ZNF839: variants seen among roughly 807,000 people sequenced by gnomAD.
ZNF839 encodes zinc finger protein 839, also known as renal carcinoma antigen NY-REN-50.
Under a neutral mutation model 56.4 loss-of-function variants are expected in ZNF839, and 38 were observed. The observed-to-expected ratio is 0.67, with a 90% confidence interval of 0.52 to 0.88. ZNF839 has a LOEUF of 0.88. Ranked by LOEUF, ZNF839 falls within the 40% of genes least tolerant of loss-of-function variation. The pLI, the probability that ZNF839 is intolerant of heterozygous loss-of-function variation, is 0.00. For synonymous variants in ZNF839, 486 were observed against 493.5 expected (o/e 0.98, Z 0.20); for missense variants, 1,091 against 1,177.6 (o/e 0.93, Z 1.08).
intron 2 of ZNF839, among the ~76,000 whole-genome samples, chr14:102,328,494 G>T (rs1362781674): frequency 6.7e-6 from 1 of 148,272 alleles, no homozygotes; most frequent in African/African-American, 2.5e-5. Context: ...GTGTGGTTCA[G>T]GGGTATTAAA....
chr14:102,328,673 C>T (rs914605272), intron 2 of ZNF839, among the ~76,000 whole-genome samples: 4 of 151,916 alleles, frequency 2.6e-5, no homozygotes, highest in Non-Finnish European at 5.9e-5. Flanking sequence ...CCCCAACCTT[C>T]GACTTTCTGT....
chr14:102,339,296 G>A (rs569644883), intron 7 of ZNF839, 73 bp downstream of exon 7: 2 of 1,532,782 alleles, frequency 1.3e-6, no homozygotes, highest in Non-Finnish European at 8.8e-7. Context: ...GATGTACCCA[G>A]GATTGCCATT....
chr14:102,338,766 G>T (rs766453784), intron 5 of ZNF839, 50 bp from the exon 6 acceptor site: 1 of 1,610,056 alleles, frequency 6.2e-7, no homozygotes, highest in African/African-American at 1.3e-5. Context: ...TGCTTCTGGG[G>T]GTGTGTGCTG....
intron 2 of ZNF839, among the ~76,000 whole-genome samples, chr14:102,328,736 A>G (rs1219275634): frequency 6.6e-6 from 1 of 151,878 alleles, no homozygotes; most frequent in East Asian, 1.9e-4. Flanking sequence ...GTCACAGGGT[A>G]TTTGTCTTTC....
chr14:102,331,960 T>C, intron 3 of ZNF839, 114 bp downstream of exon 3: 1 of 819,164 alleles, frequency 1.2e-6, no homozygotes. Flanking sequence ...TTGCATTAAG[T>C]GTGTGATGAT....
intron 3 of ZNF839, among the ~76,000 whole-genome samples, chr14:102,334,206 G>A (rs1474762025): frequency 7.2e-5 from 11 of 152,184 alleles, no homozygotes; most frequent in Admixed American, 6.5e-5. Flanking sequence ...TGGCCTGCCC[G>A]TCTCCAGGCG....
chr14:102,321,708 T>C (rs903072478), intron 1 of ZNF839, among the ~76,000 whole-genome samples: 1 of 152,062 alleles, frequency 6.6e-6, no homozygotes. Flanking sequence ...CTAAAGATAG[T>C]GAAAAAGAAC....
rs1324148654 is a variant in ZNF839 at position 102,341,444 on chromosome 14, C to G, written c.2049C>G (p.Asn683Lys). ...GCCCGCAGCTTCAGGCACTGGCTAA[C>G]TTAGAAGCCAGGAGGGGGTCTATAG... ...QAGPQLQALA[N>K]LEARRGSIGA... The change falls in exon 8 of 8, where the codon AAC becomes AAG. Residue 683 changes from asparagine to lysine, a missense_variant. Coordinates refer to ENST00000442396, the MANE Select transcript of ZNF839 (RefSeq NM_018335.6). The G allele has an allele frequency of 1.9e-6, 3 of 1,595,538 alleles. No individual in the cohort carries two copies. Among genetic ancestry groups the G allele is most frequent in the Non-Finnish European group, 2.6e-6 (3 of 1,170,690 alleles).
intron 1 of ZNF839, among the ~76,000 whole-genome samples, chr14:102,323,718 A>C (rs2073252712): frequency 6.6e-6 from 1 of 152,194 alleles, no homozygotes; most frequent in East Asian, 1.9e-4. Flanking sequence ...AAGTTATTGA[A>C]GATACTCAGC....
chr14:102,320,322 G>A lies in ZNF839; in HGVS notation c.288+269G>A, dbSNP rs2139443115. 1.3e-5 allele frequency among the ~76,000 whole-genome samples: 2 copies of A among 152,322 alleles called. 1 individual carries two copies. The highest frequency in any genetic ancestry group is 4.1e-4 in the South Asian group (2 of 4,828). ...CCTTCTCTGCCTTCACAGCCCTGCT[G>A]GGGGCTTTTGCGTGCTCCCTAGCTC... On this transcript the variant is annotated intron_variant, in intron 1 of 7. Coordinates refer to ENST00000442396, the MANE Select transcript of ZNF839 (RefSeq NM_018335.6).
chr14:102,323,546 C>A (rs371041563), intron 1 of ZNF839, among the ~76,000 whole-genome samples: 1 of 152,114 alleles, frequency 6.6e-6, no homozygotes, highest in Non-Finnish European at 1.5e-5. Context: ...GGTAGTTCTC[C>A]CCTTTGGTAG....
intron 1 of ZNF839, among the ~76,000 whole-genome samples, chr14:102,325,355 A>T (rs1419563321): frequency 6.6e-6 from 1 of 152,010 alleles, no homozygotes; most frequent in African/African-American, 2.4e-5. Flanking sequence ...AAAAAAAAAA[A>T]AATGATGTAG....
In ZNF839 at chr14:102,341,334, C is replaced by G. The variant is rs9464; in HGVS notation, c.1939C>G (p.Pro647Ala). ...CCCAAAATGTTTAGGTTTTTCCCCT[C>G]CAGTAAATGTGACTGTCTCTCCCCG... ...LHALAAGFSP[P>A]VNVTVSPRSE... is the part of the protein sequence containing the mutation. Residue 647 changes from proline (P) to alanine (A), a missense_variant, in exon 8 of 8, where the codon CCA becomes GCA. This residue lies in a region of ZNF839 where 431 missense variants were observed against 468.0 expected (regional missense o/e 0.92). Coordinates refer to ENST00000442396, the MANE Select transcript of ZNF839 (RefSeq NM_018335.6). The G allele has an allele frequency of 6.6e-6, 10 of 1,519,060 alleles. No individual in the cohort carries two copies. The highest frequency in any genetic ancestry group is 7.9e-6 in the Non-Finnish European group (9 of 1,134,392). 94.1% of individuals were successfully genotyped at this position (1,519,060 alleles called of 1,614,324 possible).
chr14:102,338,422 C>A (rs1886091607), intron 5 of ZNF839, among the ~76,000 whole-genome samples: 1 of 151,552 alleles, frequency 6.6e-6, no homozygotes, highest in Admixed American at 6.6e-5. Flanking sequence ...CCTGTAATCC[C>A]AGCTACTCAG....
chr14:102,330,087 G>T (rs978415671), intron 2 of ZNF839, among the ~76,000 whole-genome samples: 1 of 151,694 alleles, frequency 6.6e-6, no homozygotes, highest in Non-Finnish European at 1.5e-5. Context: ...GAGCCATTGC[G>T]CCCGGCCTCA....
chr14:102,324,530 G>A (rs933689435), intron 1 of ZNF839, among the ~76,000 whole-genome samples: 1 of 151,976 alleles, frequency 6.6e-6, no homozygotes. Flanking sequence ...ACCACAGAGC[G>A]AGACTTCATC....
intron 1 of ZNF839, among the ~76,000 whole-genome samples, chr14:102,320,269 T>C (rs994500443): frequency 6.6e-6 from 1 of 152,242 alleles, no homozygotes; most frequent in African/African-American, 2.4e-5. Context: ...TTGCTCACGC[T>C]GGGCCCTGTG....
Position 102,334,597 on chromosome 14 carries a change from T to A in ZNF839, c.1460T>A (p.Leu487Gln). The A allele has an allele frequency of 6.2e-7, 1 of 1,612,790 alleles. No individual in the cohort carries two copies. Among genetic ancestry groups the A allele is most frequent in the South Asian group, 1.1e-5 (1 of 90,580 alleles). Reference protein sequence around the residue: ...CDREDLVELALPQLAQVVTVY... With the variant: ...CDREDLVELAQPQLAQVVTVY... ...CGGGAGGATCTGGTGGAATTGGCTC[T>A]GCCTCAGCTGGCTCAGGTTGTGACC... is the stretch of plus-strand genomic sequence containing the variant. Residue 487 changes from leucine to glutamine, a missense_variant, in exon 4 of 8, where the codon CTG (leucine) becomes CAG (glutamine). This residue lies in a region of ZNF839 where 614 missense variants were observed against 629.2 expected (regional missense o/e 0.98). Transcript: ENST00000442396.
upstream of ZNF839, among the ~76,000 whole-genome samples, chr14:102,318,075 A>G (rs2072949431): frequency 6.6e-6 from 1 of 152,204 alleles, no homozygotes; most frequent in South Asian, 2.1e-4. Context: ...GGTGTAGTAA[A>G]AGTTCTCAAT....
Sources: gnomAD v4.1 joint callset for allele counts (sites outside exome capture counted in the v4.1 genomes callset) on GRCh38, gnomAD v4.1.1 for gene constraint, gnomAD v4.1.1 regional missense constraint, MANE v1.5 for transcripts, NCBI Gene and HGNC (gene_info 2026-07-23, HGNC 2026-07-21) for gene names.